TAF3: variants seen among roughly 807,000 people sequenced by gnomAD.
TAF3 encodes transcription initiation factor TFIID subunit 3.
TAF3 carries 7 observed loss-of-function variants against 80.6 expected under a neutral mutation model. The ratio of observed to expected loss-of-function variants is 0.09; its 90% CI spans 0.05 to 0.16. TAF3 has a LOEUF of 0.16. Ranked by LOEUF, TAF3 falls within the 10% of genes least tolerant of loss-of-function variation. The pLI, the probability that TAF3 is intolerant of heterozygous loss-of-function variation, is 1.00. For synonymous variants in TAF3, 444 were observed against 446.1 expected, an observed-to-expected ratio of 1.00 and a Z score of 0.06; for missense variants, 921 against 1,140.2, an observed-to-expected ratio of 0.81 and a Z score of 2.77.
intron 2 of TAF3, among the ~76,000 whole-genome samples, chr10:7,950,744 G>T (rs563241004): frequency 3.3e-4 from 50 of 152,310 alleles, no homozygotes; most frequent in African/African-American, 1.2e-3. Context: ...GTCGAGCAAG[G>T]CAGCACTCTG....
chr10:7,962,901 G>A lies in TAF3; in HGVS notation c.410-1019G>A, dbSNP rs187926459. ...TTTATCATTGTACATTATATGCTTA[G>A]TTAAAATGTGTTGGGAGAAATAATC... is the stretch of plus-strand genomic sequence containing the variant. On this transcript the variant is annotated intron_variant, in intron 2 of 6. Coordinates refer to ENST00000344293, the MANE Select transcript of TAF3 (RefSeq NM_031923.4). Among the ~76,000 whole-genome samples the A allele has an allele frequency of 2.5e-3, 388 of 152,278 alleles. 2 individuals are homozygous for A. Among genetic ancestry groups the A allele is most frequent in the African/African-American group, 8.9e-3 (369 of 41,532 alleles).
chr10:7,977,358 A>G (rs1831683562), intron 4 of TAF3, 35 bp downstream of exon 4: 1 of 1,603,498 alleles, frequency 6.2e-7, no homozygotes, highest in Non-Finnish European at 8.5e-7. Context: ...GGTGAAACAA[A>G]TGAAATTTAA....
At chr10:7,938,226 G>C (rs1335217180) in intron 2 of TAF3, among the ~76,000 whole-genome samples, 1 of 152,186 alleles carries the variant, frequency 6.6e-6, no homozygotes, top group South Asian at 2.1e-4. Flanking sequence ...AAGCAGTGGA[G>C]AGCCTTGGGA....
intron 3 of TAF3, among the ~76,000 whole-genome samples, chr10:7,975,897 G>C (rs1161409361): frequency 6.6e-6 from 1 of 152,168 alleles, no homozygotes; most frequent in Non-Finnish European, 1.5e-5. Context: ...GCTAGTCAGT[G>C]ACTAACAGTA....
intron 2 of TAF3, among the ~76,000 whole-genome samples, chr10:7,892,770 G>A (rs1328347517): frequency 1.3e-5 from 2 of 151,076 alleles, no homozygotes; most frequent in African/African-American, 2.4e-5. Flanking sequence ...CCAAGAATCC[G>A]AAACAGAACT....
At chr10:7,925,321 T>C (rs561659765) in intron 2 of TAF3, among the ~76,000 whole-genome samples, 1 of 152,354 alleles carries the variant, frequency 6.6e-6, no homozygotes, top group South Asian at 2.1e-4. Flanking sequence ...CCATAATGGC[T>C]CAGCCTTGAC....
rs1321949011 is a variant in TAF3, at chr10:7,826,422, T to C, written c.409+1862T>C. On this transcript the variant is annotated intron_variant, in intron 2 of 6. Transcript: ENST00000344293. ...AGGTTTAGATTAGGTAGTGAAGAAG[T>C]ATGAAAAACAATTTAGTGTTTTTTT... is the stretch of plus-strand genomic sequence containing the variant. Among the ~76,000 whole-genome samples the C allele has an allele frequency of 4.6e-5, 7 of 151,708 alleles. No homozygotes were observed. In the East Asian group the frequency reaches 1.2e-3, roughly 26 times the overall value.
At chr10:8,005,782 A>G (rs1032966079) in intron 4 of TAF3, among the ~76,000 whole-genome samples, 1 of 152,218 alleles carries the variant, frequency 6.6e-6, no homozygotes, top group African/African-American at 2.4e-5. Flanking sequence ...CCCTCTGGAT[A>G]TAAATGCCAT....
chr10:7,878,690 A>AATGTATGTATGTATGT (rs58593612), intron 2 of TAF3, among the ~76,000 whole-genome samples: 4 of 146,900 alleles, frequency 2.7e-5, no homozygotes, highest in African/African-American at 5.1e-5. Context: ...TAATTCAACC[A>AATGTATGTATGTATGT]ATGTATGTAT....
chr10:7,894,336 G>A (rs1837486005), intron 2 of TAF3, among the ~76,000 whole-genome samples: 1 of 152,188 alleles, frequency 6.6e-6, no homozygotes, highest in African/African-American at 2.4e-5. Context: ...TACCACCTAA[G>A]GTAGACAAGT....
At chr10:7,997,093 A>C (rs1396908113) in intron 4 of TAF3, among the ~76,000 whole-genome samples, 1 of 152,232 alleles carries the variant, frequency 6.6e-6, no homozygotes, top group Non-Finnish European at 1.5e-5. Context: ...GAAGAAAAGT[A>C]AGTTTTGGTG....
At chr10:7,892,690 A>G (rs1350607604) in intron 2 of TAF3, among the ~76,000 whole-genome samples, 1 of 152,158 alleles carries the variant, frequency 6.6e-6, no homozygotes, top group Non-Finnish European at 1.5e-5. Context: ...AAAAATTCCA[A>G]CAGTATTTTT....
chr10:7,828,198 A>C (rs1180198671), intron 2 of TAF3, among the ~76,000 whole-genome samples: 2 of 152,082 alleles, frequency 1.3e-5, no homozygotes, highest in Non-Finnish European at 2.9e-5. Flanking sequence ...GAGCCTGTGA[A>C]TGCCCACTGC....
intron 2 of TAF3, among the ~76,000 whole-genome samples, chr10:7,845,753 G>A (rs1222797519): frequency 2.6e-5 from 4 of 152,098 alleles, no homozygotes; most frequent in African/African-American, 4.8e-5. Context: ...CGTGTGAGAG[G>A]CCATTCCTTA....
intron 2 of TAF3, among the ~76,000 whole-genome samples, chr10:7,897,676 CT>C (rs1210378117): frequency 2.2e-3 from 308 of 140,452 alleles, no homozygotes; most frequent in Admixed American, 4.8e-3. Flanking sequence ...TTCTTTCTTT[CT>C]TTTTTTTTTT....
chr10:7,877,165 T>C (rs1407051114), intron 2 of TAF3, among the ~76,000 whole-genome samples: 1 of 152,128 alleles, frequency 6.6e-6, no homozygotes, highest in Non-Finnish European at 1.5e-5. Context: ...CAAATTTAGG[T>C]GATAATTACT....
intron 4 of TAF3, among the ~76,000 whole-genome samples, chr10:8,004,005 A>G (rs1831969598): frequency 6.6e-6 from 1 of 152,178 alleles, no homozygotes; most frequent in South Asian, 2.1e-4. Flanking sequence ...TTACTTTTAA[A>G]TGAATTACTA....
chr10:7,851,052 G>A (rs1008090204), intron 2 of TAF3, among the ~76,000 whole-genome samples: 2 of 152,060 alleles, frequency 1.3e-5, no homozygotes, highest in African/African-American at 2.4e-5. Context: ...GGAACAGAAA[G>A]GAAATAATAA....
intron 2 of TAF3, among the ~76,000 whole-genome samples, chr10:7,833,447 G>A (rs565585723): frequency 1.1e-4 from 16 of 152,292 alleles, no homozygotes; most frequent in African/African-American, 3.6e-4. Context: ...GTAATGATTA[G>A]TAATGTTGAA....
Sources: gnomAD v4.1 joint callset for allele counts (sites outside exome capture counted in the v4.1 genomes callset) on GRCh38, gnomAD v4.1.1 for gene constraint, MANE v1.5 for transcripts, NCBI Gene and HGNC (gene_info 2026-07-23, HGNC 2026-07-21) for gene names.